ARHGAP26: variants seen among roughly 807,000 people sequenced by gnomAD.
ARHGAP26 encodes rho GTPase-activating protein 26.
Under a neutral mutation model 104.8 loss-of-function variants are expected in ARHGAP26, and 38 were observed. That is an observed-to-expected ratio of 0.36 (90% confidence interval 0.28 to 0.48). ARHGAP26 has a LOEUF of 0.48. Among genes scored for constraint, ARHGAP26 ranks in the 20% least tolerant of loss-of-function variants. The pLI, the probability that ARHGAP26 is intolerant of heterozygous loss-of-function variation, is 0.99. For missense variants in ARHGAP26, 704 were observed against 947.9 expected (o/e 0.74, Z 3.38); for synonymous variants, 341 against 340.0 (o/e 1.00, Z -0.03).
intron 12 of ARHGAP26, among the ~76,000 whole-genome samples, chr5:143,022,164 T>C (rs887208317): frequency 1.6e-4 from 25 of 152,322 alleles, no homozygotes; most frequent in Middle Eastern, 3.4e-3. Context: ...CTCCGCCTCC[T>C]GGGCTCAGGT....
intron 1 of ARHGAP26, among the ~76,000 whole-genome samples, chr5:142,802,306 G>A (rs1054097912): frequency 6.6e-6 from 1 of 152,132 alleles, no homozygotes; most frequent in African/African-American, 2.4e-5. Flanking sequence ...TTAAAGTTTG[G>A]TCTCCTTTTA....
intron 17 of ARHGAP26, among the ~76,000 whole-genome samples, chr5:143,085,235 G>A (rs1028947309): frequency 2.6e-5 from 4 of 151,876 alleles, no homozygotes. Context: ...TGTCCCACTC[G>A]GCCTGGCCTG....
intron 1 of ARHGAP26, among the ~76,000 whole-genome samples, chr5:142,805,904 G>A (rs764809499): frequency 2.6e-5 from 4 of 152,138 alleles, no homozygotes; most frequent in Non-Finnish European, 5.9e-5. Context: ...TCCTTAACCC[G>A]GAAGTAGCAA....
intron 12 of ARHGAP26, among the ~76,000 whole-genome samples, chr5:143,020,862 G>T (rs751914326): frequency 1.3e-5 from 2 of 151,818 alleles, no homozygotes; most frequent in Non-Finnish European, 2.9e-5. Context: ...GGATGGTCTC[G>T]ATCTGCTGAC....
chr5:142,866,532 T>C (rs1214377760), intron 1 of ARHGAP26, among the ~76,000 whole-genome samples: 1 of 152,222 alleles, frequency 6.6e-6, no homozygotes, highest in African/African-American at 2.4e-5. Context: ...TGGATGTAGA[T>C]TAAGGTGAGT....
At chr5:142,805,316 G>A (rs1762798805) in intron 1 of ARHGAP26, among the ~76,000 whole-genome samples, 1 of 152,042 alleles carries the variant, frequency 6.6e-6, no homozygotes, top group Non-Finnish European at 1.5e-5. Context: ...TGGTCAGGCT[G>A]TTCTCGAAGT....
chr5:142,947,621 G>A (rs947158062), intron 11 of ARHGAP26, among the ~76,000 whole-genome samples: 3 of 152,112 alleles, frequency 2.0e-5, no homozygotes, highest in Non-Finnish European at 4.4e-5. Flanking sequence ...AACATAATAA[G>A]CACCTATTAC....
chr5:143,011,451 C>T (rs1444869083), intron 11 of ARHGAP26, among the ~76,000 whole-genome samples: 1 of 151,910 alleles, frequency 6.6e-6, no homozygotes, highest in African/African-American at 2.4e-5. Context: ...CATCTGTATC[C>T]CCAGCACCTG....
chr5:143,024,120 C>T (rs1052659057), intron 12 of ARHGAP26, among the ~76,000 whole-genome samples: 13 of 152,294 alleles, frequency 8.5e-5, no homozygotes, highest in African/African-American at 2.9e-4. Flanking sequence ...AGCCCTGGCT[C>T]GGAGGGCAGG....
chr5:143,042,326 A>C (rs1783585746), intron 14 of ARHGAP26, among the ~76,000 whole-genome samples: 1 of 152,268 alleles, frequency 6.6e-6, no homozygotes, highest in Non-Finnish European at 1.5e-5. Flanking sequence ...GATACTGAGC[A>C]GGTGTCATGT....
At chr5:143,134,378 C>T (rs551952564) in intron 19 of ARHGAP26, among the ~76,000 whole-genome samples, 1 of 152,310 alleles carries the variant, frequency 6.6e-6, no homozygotes, top group South Asian at 2.1e-4. Flanking sequence ...TCCTCCTGCT[C>T]CTACACAATA....
At chr5:143,004,102 G>A (rs1777597424) in intron 11 of ARHGAP26, among the ~76,000 whole-genome samples, 1 of 151,800 alleles carries the variant, frequency 6.6e-6, no homozygotes, top group African/African-American at 2.4e-5. Flanking sequence ...ACAGCTTGGT[G>A]TTTGCCTTAT....
chr5:143,104,738 G>A (rs1420688089), intron 17 of ARHGAP26, among the ~76,000 whole-genome samples: 1 of 152,140 alleles, frequency 6.6e-6, no homozygotes, highest in Non-Finnish European at 1.5e-5. Flanking sequence ...CCATAACAAT[G>A]TTGAGTGAGA....
chr5:142,793,947 G>A (rs1237141463), intron 1 of ARHGAP26, among the ~76,000 whole-genome samples: 3 of 152,142 alleles, frequency 2.0e-5, no homozygotes, highest in Admixed American at 6.5e-5. Flanking sequence ...ACACCAAACG[G>A]TATTTTCCAT....
At chr5:143,003,137 A>G (rs1025338181) in intron 11 of ARHGAP26, among the ~76,000 whole-genome samples, 3 of 152,348 alleles carry the variant, frequency 2.0e-5, no homozygotes, top group Middle Eastern at 3.4e-3. Flanking sequence ...ATAATCCCAG[A>G]ACAGTTAGCC....
chr5:142,972,923 A>AT (rs1020955998), intron 11 of ARHGAP26, among the ~76,000 whole-genome samples: 33 of 149,782 alleles, frequency 2.2e-4, no homozygotes, highest in African/African-American at 7.1e-4. Context: ...TATTATTTTA[A>AT]TTTTTTTCTG....
chr5:142,928,291 A>C (rs1280412593), intron 10 of ARHGAP26, among the ~76,000 whole-genome samples: 3 of 150,426 alleles, frequency 2.0e-5, no homozygotes, highest in Admixed American at 6.6e-5. Context: ...TTTAAGACAG[A>C]TAAAACATGG....
chr5:142,803,664 T>C (rs949358369), intron 1 of ARHGAP26, among the ~76,000 whole-genome samples: 1 of 152,198 alleles, frequency 6.6e-6, no homozygotes, highest in African/African-American at 2.4e-5. Flanking sequence ...AGAATCCTCC[T>C]GCAGCACGTC....
intron 19 of ARHGAP26, among the ~76,000 whole-genome samples, chr5:143,142,499 TA>T (rs10718611): frequency 0.12 from 17,311 of 149,656 alleles, 3,162 homozygotes; most frequent in African/African-American, 0.38. Flanking sequence ...AAGATTTTTT[TA>T]AAAAAAAAAC....
Sources: gnomAD v4.1 joint callset for allele counts (sites outside exome capture counted in the v4.1 genomes callset) on GRCh38, gnomAD v4.1.1 for gene constraint, MANE v1.5 for transcripts, NCBI Gene and HGNC (gene_info 2026-07-23, HGNC 2026-07-21) for gene names.